The following ULK4 variants were observed in gnomAD, a reference collection of about 807,000 sequenced individuals.
ULK4 encodes the protein inactive serine/threonine-protein kinase ULK4.
ULK4 carries 133 observed loss-of-function variants against 160.6 expected under a neutral mutation model. The observed-to-expected ratio is 0.83, with a 90% CI of 0.72 to 0.96. ULK4 has a LOEUF of 0.96. Ranked by LOEUF, ULK4 falls within the 40% of genes least tolerant of loss-of-function variation. ULK4 has a pLI of 0.00. For missense variants in ULK4, 1,580 were observed against 1,499.5 expected (o/e 1.05, Z -0.89); for synonymous variants, 534 against 539.8 (o/e 0.99, Z 0.15).
chr3:41,954,420 G>C (rs1468932000), intron 2 of ULK4, among the ~76,000 whole-genome samples: 4 of 151,690 alleles, frequency 2.6e-5, no homozygotes, highest in Non-Finnish European at 5.9e-5. Context: ...AAACAAAAAA[G>C]AAAATTAAGT....
intron 31 of ULK4, among the ~76,000 whole-genome samples, chr3:41,580,424 T>C (rs956853331): frequency 6.6e-6 from 1 of 151,912 alleles, no homozygotes; most frequent in African/African-American, 2.4e-5. Context: ...AGAAATCATC[T>C]ATATATTGAA....
At chr3:41,948,755 T>C (rs1308298606) in intron 2 of ULK4, among the ~76,000 whole-genome samples, 5 of 136,142 alleles carry the variant, frequency 3.7e-5, no homozygotes, top group Non-Finnish European at 7.9e-5. Flanking sequence ...AAGCTAGGAA[T>C]AGAAGGAAAC....
chr3:41,340,293 A>G (rs531678656), intron 35 of ULK4, among the ~76,000 whole-genome samples: 40 of 152,382 alleles, frequency 2.6e-4, no homozygotes, highest in African/African-American at 9.6e-4. Flanking sequence ...TTAGAAGGTA[A>G]CAAGTACAAA....
intron 35 of ULK4, among the ~76,000 whole-genome samples, chr3:41,344,196 G>A (rs1040962441): frequency 6.6e-6 from 1 of 152,046 alleles, no homozygotes; most frequent in African/African-American, 2.4e-5. Flanking sequence ...TTTGATCTTC[G>A]ACAAACTTGA....
chr3:41,843,733 G>C (rs1279794372), intron 17 of ULK4, among the ~76,000 whole-genome samples: 2 of 152,038 alleles, frequency 1.3e-5, no homozygotes, highest in African/African-American at 2.4e-5. Context: ...AGCTTCCACA[G>C]TGTGGAAGGG....
intron 35 of ULK4, among the ~76,000 whole-genome samples, chr3:41,286,630 C>T (rs534433591): frequency 6.6e-6 from 1 of 152,292 alleles, no homozygotes; most frequent in East Asian, 1.9e-4. Context: ...ACAGACACGA[C>T]TAGGGAAAAA....
chr3:41,336,338 G>A (rs977660084), intron 35 of ULK4, among the ~76,000 whole-genome samples: 3 of 152,280 alleles, frequency 2.0e-5, no homozygotes, highest in South Asian at 2.1e-4. Context: ...ATAAGGAAAC[G>A]TATCTGAAAA....
At chr3:41,495,790 A>T (rs1462328380) in intron 32 of ULK4, among the ~76,000 whole-genome samples, 2 of 151,996 alleles carry the variant, frequency 1.3e-5, no homozygotes. Flanking sequence ...ACACTTCTCA[A>T]AAGAAGACAT....
intron 35 of ULK4, among the ~76,000 whole-genome samples, chr3:41,286,310 TGAGA>T (rs1029600881): frequency 1.3e-5 from 2 of 152,176 alleles, no homozygotes; most frequent in African/African-American, 4.8e-5. Context: ...TGAGTGGGGC[TGAGA>T]GAGACAGCTT....
intron 31 of ULK4, among the ~76,000 whole-genome samples, chr3:41,615,191 C>A (rs1009950952): frequency 1.3e-5 from 2 of 151,912 alleles, no homozygotes; most frequent in Non-Finnish European, 2.9e-5. Flanking sequence ...ATTCTGTGAA[C>A]AGAAAAATGG....
intron 21 of ULK4, among the ~76,000 whole-genome samples, chr3:41,769,171 G>T (rs1331573800): frequency 6.6e-6 from 1 of 152,146 alleles, no homozygotes; most frequent in Non-Finnish European, 1.5e-5. Flanking sequence ...CACAATTTTA[G>T]ATCTAAGCCT....
At chr3:41,808,068 GT>G (rs1471407345) in intron 19 of ULK4, among the ~76,000 whole-genome samples, 1 of 152,186 alleles carries the variant, frequency 6.6e-6, no homozygotes, top group Non-Finnish European at 1.5e-5. Context: ...GACCGCTGCT[GT>G]GTCTGGGGAA....
intron 27 of ULK4, among the ~76,000 whole-genome samples, chr3:41,686,944 A>G (rs2125799018): frequency 6.6e-6 from 1 of 152,334 alleles, no homozygotes; most frequent in East Asian, 1.9e-4. Flanking sequence ...GAGGCTAGGC[A>G]CAGTGGCTCA....
intron 34 of ULK4, among the ~76,000 whole-genome samples, chr3:41,401,439 G>C (rs1159875189): frequency 6.6e-6 from 1 of 152,140 alleles, no homozygotes; most frequent in African/African-American, 2.4e-5. Flanking sequence ...CTGGTAACAA[G>C]AGAAAGGCAG....
chr3:41,612,840 C>G (rs1052479247), intron 31 of ULK4, among the ~76,000 whole-genome samples: 1 of 152,016 alleles, frequency 6.6e-6, no homozygotes, highest in South Asian at 2.1e-4. Context: ...TGGAAGACAT[C>G]TAGGAGAGGA....
chr3:41,384,971 A>G (rs2081769034), intron 35 of ULK4, among the ~76,000 whole-genome samples: 1 of 152,136 alleles, frequency 6.6e-6, no homozygotes, highest in Admixed American at 6.6e-5. Flanking sequence ...GAGATAATCA[A>G]TTGAATCCCT....
At chr3:41,457,063 C>G (rs2083570949) in intron 33 of ULK4, among the ~76,000 whole-genome samples, 1 of 152,216 alleles carries the variant, frequency 6.6e-6, no homozygotes, top group Non-Finnish European at 1.5e-5. Flanking sequence ...GCGGCACTAT[C>G]CAAGAGGTCT....
At chr3:41,710,889 G>A (rs540087172) in intron 25 of ULK4, among the ~76,000 whole-genome samples, 31 of 152,234 alleles carry the variant, frequency 2.0e-4, no homozygotes, top group Admixed American at 1.7e-3. Context: ...AGGGCAGGAT[G>A]GTGAGCAGAA....
At chr3:41,634,299 T>C (rs189089391) in intron 30 of ULK4, among the ~76,000 whole-genome samples, 4 of 152,334 alleles carry the variant, frequency 2.6e-5, no homozygotes, top group South Asian at 4.1e-4. Context: ...AAGCCTGACA[T>C]TGTGTTCTCC....
Sources: gnomAD v4.1 joint callset for allele counts (sites outside exome capture counted in the v4.1 genomes callset) on GRCh38, gnomAD v4.1.1 for gene constraint, MANE v1.5 for transcripts, NCBI Gene and HGNC (gene_info 2026-07-23, HGNC 2026-07-21) for gene names.